Variants in SHISA9 observed in about 807,000 individuals in gnomAD.
SHISA9 encodes shisa family member 9, also known as protein shisa-9.
A neutral mutation model predicts 38.0 loss-of-function variants in SHISA9; 13 were observed. That is an observed-to-expected ratio of 0.34 (90% CI 0.22 to 0.54). The LOEUF (loss-of-function observed/expected upper bound fraction) is 0.54. Among genes scored for constraint, SHISA9 ranks in the 20% least tolerant of loss-of-function variants. The pLI is 0.91. For synonymous variants in SHISA9, 275 were observed against 242.0 expected, an observed-to-expected ratio of 1.14 and a Z score of -1.27; for missense variants, 538 against 575.8, an observed-to-expected ratio of 0.93 and a Z score of 0.67.
the SHISA9 span, among the ~76,000 whole-genome samples, chr16:13,503,946 C>G: frequency 1.3e-5 from 2 of 152,082 alleles, no homozygotes; most frequent in Non-Finnish European, 2.9e-5. Flanking sequence ...AATCCAAGCA[C>G]AATATAAATT....
the SHISA9 span, among the ~76,000 whole-genome samples, chr16:13,369,438 A>G: frequency 1.3e-5 from 2 of 152,314 alleles, no homozygotes; most frequent in East Asian, 3.9e-4. Flanking sequence ...AATCCAATCA[A>G]TGATATGTGC....
chr16:13,099,501 A>T (rs1175892464), intron 2 of SHISA9, among the ~76,000 whole-genome samples: 1 of 152,118 alleles, frequency 6.6e-6, no homozygotes, highest in Non-Finnish European at 1.5e-5. Flanking sequence ...GGCCAACATC[A>T]CTAAGAAGAT....
chr16:13,168,987 T>G (rs1317966313), intron 2 of SHISA9, among the ~76,000 whole-genome samples: 4 of 152,234 alleles, frequency 2.6e-5, no homozygotes, highest in South Asian at 2.1e-4. Context: ...TTTATCATCT[T>G]GATAATTATA....
rs1370040906 is a variant in SHISA9 at position 13,201,928 on chromosome 16, T to C, written c.692-1466T>C. 7.4e-5 allele frequency among the ~76,000 whole-genome samples: 8 copies of C among 108,126 alleles called. 1 individual carries two copies. The highest frequency in any genetic ancestry group is 3.2e-4 in the African/African-American group (8 of 25,136). 70.9% of individuals were successfully genotyped at this position (108,126 alleles called of 152,430 possible). A position where few individuals can be genotyped will look rare whatever the true frequency, so the allele number is the denominator to read the frequency against. ...TTCACATACTAGATAAAGGGGATCT[T>C]TCAAGGCACCACTGGCAACCACCGC... On this transcript the variant is annotated intron_variant, in intron 2 of 4. Coordinates refer to ENST00000558583, the MANE Select transcript of SHISA9 (RefSeq NM_001145204.3).
chr16:12,936,528 A>G (rs937845531), intron 2 of SHISA9, among the ~76,000 whole-genome samples: 2 of 152,234 alleles, frequency 1.3e-5, no homozygotes, highest in Non-Finnish European at 2.9e-5. Context: ...TCTGTTTCCC[A>G]TTCCACACAA....
chr16:13,220,278 A>G (rs567109821), intron 4 of SHISA9, among the ~76,000 whole-genome samples: 14 of 151,882 alleles, frequency 9.2e-5, no homozygotes, highest in Non-Finnish European at 2.1e-4. Context: ...GGGTGACTTG[A>G]CTCTGCTCCA....
At chr16:12,912,195 C>A (rs569148806) in intron 1 of SHISA9, among the ~76,000 whole-genome samples, 1 of 149,388 alleles carries the variant, frequency 6.7e-6, no homozygotes, top group South Asian at 2.3e-4. Flanking sequence ...AGTGAGCGAG[C>A]CCCACTTCAA....
intron 2 of SHISA9, among the ~76,000 whole-genome samples, chr16:13,052,278 C>T (rs552720138): frequency 2.1e-4 from 32 of 152,220 alleles, no homozygotes; most frequent in Admixed American, 4.6e-4. Context: ...GACATTTTCC[C>T]CCCTCCTTTC....
At chr16:13,454,228 G>A in the SHISA9 span, among the ~76,000 whole-genome samples, 2 of 152,288 alleles carry the variant, frequency 1.3e-5, no homozygotes, top group East Asian at 1.9e-4. Flanking sequence ...TTCCTATAAC[G>A]TGGGTTTGTT....
the SHISA9 span, among the ~76,000 whole-genome samples, chr16:13,330,108 G>C: frequency 6.6e-6 from 1 of 152,186 alleles, no homozygotes; most frequent in East Asian, 1.9e-4. Flanking sequence ...TGTTTGTTGT[G>C]GGAATGACTA....
At position 13,232,456 on chromosome 16, in the gene SHISA9, G is replaced by A. The variant is rs183445885; in HGVS notation, c.896-2574G>A. Among the ~76,000 whole-genome samples the A allele has an allele frequency of 9.5e-4, 145 of 152,216 alleles. 1 individual carries two copies. The highest frequency in any genetic ancestry group is 3.3e-3 in the African/African-American group (138 of 41,558). On this transcript the variant is annotated intron_variant, in intron 4 of 4. Coordinates refer to ENST00000558583, the MANE Select transcript of SHISA9 (RefSeq NM_001145204.3). ...GTATAATAAAAAAATTAAAAGAAAA[G>A]AAAAGAAAGTGTTGATGAAAAAGGT...
the SHISA9 span, among the ~76,000 whole-genome samples, chr16:13,338,540 G>A: frequency 6.6e-6 from 1 of 152,184 alleles, no homozygotes; most frequent in Non-Finnish European, 1.5e-5. Context: ...GCAAGCCAGT[G>A]AAGGGTTTGG....
intron 2 of SHISA9, among the ~76,000 whole-genome samples, chr16:12,980,166 C>A (rs367668060): frequency 6.6e-6 from 1 of 152,116 alleles, no homozygotes; most frequent in African/African-American, 2.4e-5. Context: ...TTAAAGACAG[C>A]GTCAAACTTT....
At chr16:13,359,736 G>A in the SHISA9 span, among the ~76,000 whole-genome samples, 5 of 152,276 alleles carry the variant, frequency 3.3e-5, no homozygotes, top group South Asian at 1.0e-3. Flanking sequence ...TTTTCTAGCA[G>A]ATGCGGTTGG....
chr16:13,427,571 A>T, the SHISA9 span, among the ~76,000 whole-genome samples: 2 of 152,236 alleles, frequency 1.3e-5, no homozygotes, highest in African/African-American at 4.8e-5. Context: ...TTGAATGATG[A>T]AAGACAGGAA....
chr16:12,950,090 G>A (rs938370616), intron 2 of SHISA9, among the ~76,000 whole-genome samples: 31 of 151,928 alleles, frequency 2.0e-4, no homozygotes, highest in African/African-American at 5.1e-4. Context: ...AACTTTTTTC[G>A]TTCCTACATA....
chr16:12,960,679 C>T (rs2071898506), intron 2 of SHISA9, among the ~76,000 whole-genome samples: 1 of 152,190 alleles, frequency 6.6e-6, no homozygotes, highest in African/African-American at 2.4e-5. Context: ...GAAAACCGCA[C>T]ATCATGTGTT....
chr16:13,004,577 G>C (rs887098337), intron 2 of SHISA9, among the ~76,000 whole-genome samples: 1 of 152,034 alleles, frequency 6.6e-6, no homozygotes, highest in African/African-American at 2.4e-5. Context: ...GAATTCATCT[G>C]GGTGAGACAT....
intron 4 of SHISA9, among the ~76,000 whole-genome samples, chr16:13,232,752 T>C (rs1191579355): frequency 1.3e-5 from 2 of 152,282 alleles, no homozygotes; most frequent in East Asian, 3.9e-4. Context: ...GGTTGACAAT[T>C]GGTTGAGTCT....
Sources: allele counts gnomAD v4.1 joint callset (sites outside exome capture counted in the v4.1 genomes callset), GRCh38; gene constraint gnomAD v4.1.1; transcripts MANE v1.5; gene names NCBI Gene and HGNC (gene_info 2026-07-23, HGNC 2026-07-21).